KCNH1: variants seen among roughly 807,000 people sequenced by gnomAD.
KCNH1 encodes voltage-gated delayed rectifier potassium channel KCNH1.
In KCNH1, 27 loss-of-function variants were observed where a neutral mutation model predicts 69.2. The observed-to-expected ratio is 0.39, with a 90% CI of 0.29 to 0.54. The LOEUF (loss-of-function observed/expected upper bound fraction) is 0.54. Among genes scored for constraint, KCNH1 ranks in the 20% least tolerant of loss-of-function variants. The pLI, the probability that KCNH1 is intolerant of heterozygous loss-of-function variation, is 0.68. For missense variants in KCNH1, 798 were observed against 1,261.6 expected (o/e 0.63, Z 5.57); for synonymous variants, 456 against 487.7 (o/e 0.93, Z 0.86).
chr1:210,898,681 C>G (rs115840429), intron 7 of KCNH1, among the ~76,000 whole-genome samples: 3,317 of 136,400 alleles, frequency 0.024, 177 homozygotes, highest in African/African-American at 0.1. Context: ...GGCGTGGCGG[C>G]GGGGGGGGGT....
chr1:210,817,182 T>G (rs1188579413), intron 7 of KCNH1, among the ~76,000 whole-genome samples: 1 of 152,092 alleles, frequency 6.6e-6, no homozygotes, highest in Non-Finnish European at 1.5e-5. Context: ...GATCCCCCAA[T>G]CTTCTACCAC....
At chr1:210,823,335 CAAAGTAAGTGGTACACTGTA>C (rs1684967972) in intron 7 of KCNH1, among the ~76,000 whole-genome samples, 1 of 152,142 alleles carries the variant, frequency 6.6e-6, no homozygotes, top group African/African-American at 2.4e-5. Context: ...AAATTGCTCT[CAAAGTAAGTGGTACACTGTA>C]AGAAGACCCA....
intron 7 of KCNH1, among the ~76,000 whole-genome samples, chr1:210,869,546 A>G (rs1049606296): frequency 1.7e-4 from 24 of 143,756 alleles, no homozygotes; most frequent in Non-Finnish European, 3.0e-4. Context: ...CATGCCTGGT[A>G]ATTTTGGATT....
intron 10 of KCNH1, among the ~76,000 whole-genome samples, chr1:210,759,695 A>C (rs1683476841): frequency 6.6e-6 from 1 of 152,240 alleles, no homozygotes; most frequent in African/African-American, 2.4e-5. Flanking sequence ...TAATGTAACC[A>C]AATACATGAC....
At chr1:210,870,338 C>T (rs529513213) in intron 7 of KCNH1, among the ~76,000 whole-genome samples, 1 of 152,164 alleles carries the variant, frequency 6.6e-6, no homozygotes, top group African/African-American at 2.4e-5. Context: ...CTAATACTGT[C>T]TCAGTGATGT....
At chr1:210,997,214 G>T (rs536446477) in intron 6 of KCNH1, among the ~76,000 whole-genome samples, 1 of 152,258 alleles carries the variant, frequency 6.6e-6, no homozygotes, top group Admixed American at 6.5e-5. Flanking sequence ...AAACTACTCC[G>T]AGCTACAGGA....
intron 9 of KCNH1, among the ~76,000 whole-genome samples, chr1:210,778,868 A>T (rs934414800): frequency 6.6e-6 from 1 of 152,238 alleles, no homozygotes; most frequent in African/African-American, 2.4e-5. Context: ...TATACTTTTC[A>T]AATGAATTTG....
In KCNH1 at chr1:211,012,345, C is replaced by T. The variant is rs573938791; in HGVS notation, c.1032+6438G>A. 9.2e-5 allele frequency among the ~76,000 whole-genome samples: 14 copies of T among 152,240 alleles called. No individual in the cohort carries two copies. The South Asian group carries it at 2.7e-3, about 29-fold the overall frequency. ...AATCAAACCCACAGCAGAAGGAAAT[C>T]CCAGAACAAGACCTGTGCTGATCAG... is the stretch of plus-strand genomic sequence containing the variant. On this transcript the variant is annotated intron_variant, in intron 6 of 10. Coordinates refer to ENST00000271751, the MANE Select transcript of KCNH1 (RefSeq NM_172362.3).
chr1:211,060,400 C>CAAAAAAAAAAAAAAAAAAAA (rs60620622), intron 5 of KCNH1, among the ~76,000 whole-genome samples: 1 of 44,328 alleles, frequency 2.3e-5, no homozygotes, highest in Non-Finnish European at 3.5e-5. Flanking sequence ...GACTCCGTCT[C>CAAAAAAAAAAAAAAAAAAAA]AAAAAAAAAA....
At chr1:211,014,567 C>T (rs1382758268) in intron 6 of KCNH1, among the ~76,000 whole-genome samples, 2 of 152,038 alleles carry the variant, frequency 1.3e-5, no homozygotes, top group Non-Finnish European at 1.5e-5. Context: ...AACAATTTAC[C>T]CCAGTTCTTT....
chr1:210,723,975 G>C (rs948853684), intron 10 of KCNH1, among the ~76,000 whole-genome samples: 10 of 152,162 alleles, frequency 6.6e-5, no homozygotes, highest in African/African-American at 1.9e-4. Context: ...TTCCCACTGT[G>C]GCCGGGGAAA....
chr1:210,969,705 T>C (rs953088586), intron 6 of KCNH1, among the ~76,000 whole-genome samples: 2 of 152,184 alleles, frequency 1.3e-5, no homozygotes, highest in African/African-American at 4.8e-5. Flanking sequence ...CAATCAACTT[T>C]TGATATTGCT....
intron 6 of KCNH1, among the ~76,000 whole-genome samples, chr1:210,972,834 C>T (rs1688534660): frequency 6.6e-6 from 1 of 150,834 alleles, no homozygotes; most frequent in African/African-American, 2.4e-5. Context: ...AGAAAAACCT[C>T]TATAACAAAT....
chr1:210,983,936 C>T (rs1351558246), intron 6 of KCNH1, among the ~76,000 whole-genome samples: 1 of 152,130 alleles, frequency 6.6e-6, no homozygotes, highest in Non-Finnish European at 1.5e-5. Context: ...TTTGTATCCT[C>T]TTTTATTGCA....
At chr1:210,809,002 C>A (rs55921530) in intron 7 of KCNH1, among the ~76,000 whole-genome samples, 44,848 of 151,850 alleles carry the variant, frequency 0.3, 7,552 homozygotes, top group Non-Finnish European at 0.39. Flanking sequence ...AGGAGACCTC[C>A]CCCAACCTCA....
chr1:210,980,752 C>A (rs1211906760), intron 6 of KCNH1, among the ~76,000 whole-genome samples: 5 of 151,964 alleles, frequency 3.3e-5, no homozygotes, highest in Non-Finnish European at 1.5e-5. Flanking sequence ...AAAGGGGTGG[C>A]ACTGGATATA....
intron 7 of KCNH1, among the ~76,000 whole-genome samples, chr1:210,914,480 A>G (rs1464571116): frequency 6.6e-6 from 1 of 152,106 alleles, no homozygotes; most frequent in Non-Finnish European, 1.5e-5. Flanking sequence ...AAGTGACAAT[A>G]CAAGCTGAAG....
At chr1:211,070,294 T>G (rs1277056610) in intron 5 of KCNH1, among the ~76,000 whole-genome samples, 1 of 151,582 alleles carries the variant, frequency 6.6e-6, no homozygotes, top group African/African-American at 2.4e-5. Context: ...GGTGAGCGCC[T>G]GTAGTCCCAG....
Position 210,917,231 on chromosome 1 carries a change from GAAAGAA to G in KCNH1, c.1462+2403_1462+2408del, listed in dbSNP as rs1353889376. 2.9e-3 allele frequency among the ~76,000 whole-genome samples: 245 copies of G among 83,920 alleles called. 1 individual carries two copies. Among genetic ancestry groups the G allele is most frequent in the East Asian group, 0.017 (35 of 2,018 alleles). 55.1% of individuals were successfully genotyped at this position (83,920 alleles called of 152,430 possible). A position where few individuals can be genotyped will look rare whatever the true frequency, so the allele number is the denominator to read the frequency against. Reference sequence around the variant, plus strand: ...ACAGAGAGAGAGAGAGAGAGAGAGAGAAAGAAAGAAAGAAAGAAAGAAAGAAAGAAA... The same window carrying G: ...ACAGAGAGAGAGAGAGAGAGAGAGAGAGAAAGAAAGAAAGAAAGAAAGAAA... On this transcript the variant is annotated intron_variant, in intron 7 of 10. Transcript: ENST00000271751.
Sources: allele counts gnomAD v4.1 joint callset (sites outside exome capture counted in the v4.1 genomes callset), GRCh38; gene constraint gnomAD v4.1.1; transcripts MANE v1.5; gene names NCBI Gene and HGNC (gene_info 2026-07-23, HGNC 2026-07-21).